Variants in TAFA1 observed in about 807,000 individuals in gnomAD.
The protein encoded by TAFA1 is TAFA chemokine like family member 1, also known as chemokine-like protein TAFA-1.
TAFA1 carries 4 observed loss-of-function variants against 18.5 expected under a neutral mutation model. The observed-to-expected ratio is 0.22, with a 90% CI of 0.11 to 0.49. TAFA1 has a LOEUF of 0.49. Among genes scored for constraint, TAFA1 ranks in the 20% least tolerant of loss-of-function variants. The pLI, the probability that TAFA1 is intolerant of heterozygous loss-of-function variation, is 0.98. For synonymous variants in TAFA1, 56 were observed against 55.2 expected (o/e 1.01, Z -0.06); for missense variants, 147 against 169.0 (o/e 0.87, Z 0.72).
chr3:68,465,328 A>G (rs2071867158), intron 3 of TAFA1, among the ~76,000 whole-genome samples: 1 of 152,194 alleles, frequency 6.6e-6, no homozygotes, highest in Admixed American at 6.6e-5. Context: ...GAAAGACAGG[A>G]AGAATCTGAG....
Position 68,085,435 on chromosome 3 carries a change from A to G in TAFA1, c.118+78691A>G, listed in dbSNP as rs538212964. Among the ~76,000 whole-genome samples the G allele has an allele frequency of 7.9e-5, 12 of 152,346 alleles. No homozygotes were observed. In the East Asian group the frequency reaches 2.1e-3, roughly 27 times the overall value. ...GCAGGGTTAGTGCACAAAGGAGCACATTTTGAGCATGCCAAGGTGAATAAT... is the reference window on the plus strand; with the variant it reads ...GCAGGGTTAGTGCACAAAGGAGCACGTTTTGAGCATGCCAAGGTGAATAAT... On this transcript the variant is annotated intron_variant, in intron 2 of 4. Transcript: ENST00000478136.
chr3:68,216,767 A>G (rs1270893174), intron 2 of TAFA1, among the ~76,000 whole-genome samples: 1 of 152,128 alleles, frequency 6.6e-6, no homozygotes, highest in Non-Finnish European at 1.5e-5. Context: ...ACATCACTCC[A>G]TAATCGCAGA....
chr3:68,054,916 C>T (rs2064514794), intron 2 of TAFA1, among the ~76,000 whole-genome samples: 1 of 152,254 alleles, frequency 6.6e-6, no homozygotes, highest in East Asian at 1.9e-4. Flanking sequence ...ATTTCTTAAT[C>T]TAGTACTACG....
chr3:68,077,654 T>C (rs2106764944), intron 2 of TAFA1, among the ~76,000 whole-genome samples: 1 of 152,214 alleles, frequency 6.6e-6, no homozygotes, highest in African/African-American at 2.4e-5. Flanking sequence ...CTCTGTTCTG[T>C]TCCATTGATC....
Position 68,544,655 on chromosome 3 carries a change from G to A in TAFA1, c.*152G>A, listed in dbSNP as rs1003800383. 1.8e-5 allele frequency: 13 copies of A among 736,254 alleles called. No individual in the cohort carries two copies. Among genetic ancestry groups the A allele is most frequent in the East Asian group, 5.6e-5 (2 of 35,776 alleles). The allele number at this position is 736,254 out of a possible 1,614,324, so 45.6% of individuals were successfully genotyped here. A position where few individuals can be genotyped will look rare whatever the true frequency, so the allele number is the denominator to read the frequency against. On this transcript the variant is annotated 3_prime_UTR_variant, in exon 5 of 5. Transcript: ENST00000478136. The stretch of plus-strand genomic sequence containing the variant: ...TCACAGTGCGTTTACTGTGTGTAAC[G>A]AAATATCCTACAGTGAGAAGACACA...
At chr3:68,089,150 T>C (rs924571660) in intron 2 of TAFA1, among the ~76,000 whole-genome samples, 2 of 152,128 alleles carry the variant, frequency 1.3e-5, no homozygotes, top group Non-Finnish European at 2.9e-5. Context: ...TGAAGCTGGA[T>C]ATGTGAGCCT....
intron 2 of TAFA1, among the ~76,000 whole-genome samples, chr3:68,197,558 A>G (rs901919594): frequency 2.0e-5 from 3 of 149,824 alleles, no homozygotes; most frequent in Non-Finnish European, 4.5e-5. Flanking sequence ...TTATAAAGAA[A>G]GAAATGTCAA....
intron 2 of TAFA1, among the ~76,000 whole-genome samples, chr3:68,371,658 G>A (rs1372160323): frequency 6.6e-6 from 1 of 152,150 alleles, no homozygotes; most frequent in African/African-American, 2.4e-5. Context: ...CCAAGACTTT[G>A]CTATTGTAAA....
At chr3:68,339,904 G>A (rs1422772237) in intron 2 of TAFA1, among the ~76,000 whole-genome samples, 1 of 151,976 alleles carries the variant, frequency 6.6e-6, no homozygotes, top group Non-Finnish European at 1.5e-5. Flanking sequence ...TTTGCCAATG[G>A]CTTAACAATC....
At chr3:68,312,992 A>G (rs2106683888) in intron 2 of TAFA1, among the ~76,000 whole-genome samples, 1 of 152,278 alleles carries the variant, frequency 6.6e-6, no homozygotes, top group East Asian at 1.9e-4. Flanking sequence ...GTGGCAGGCA[A>G]AAAAGAGAGC....
At chr3:68,107,925 A>T (rs2065221787) in intron 2 of TAFA1, among the ~76,000 whole-genome samples, 1 of 152,048 alleles carries the variant, frequency 6.6e-6, no homozygotes, top group African/African-American at 2.4e-5. Context: ...TTAGGGTACT[A>T]ATTCTGTTAA....
chr3:68,178,152 C>CAA (rs149156361), intron 2 of TAFA1, among the ~76,000 whole-genome samples: 29 of 149,724 alleles, frequency 1.9e-4, no homozygotes, highest in Non-Finnish European at 3.4e-4. Flanking sequence ...CCCCCCTCCC[C>CAA]AAAAAAAAAT....
At chr3:68,037,081 G>A (rs934818279) in intron 2 of TAFA1, among the ~76,000 whole-genome samples, 2 of 152,126 alleles carry the variant, frequency 1.3e-5, no homozygotes, top group African/African-American at 2.4e-5. Flanking sequence ...CATAGCTTGG[G>A]AGAGGTCAGG....
At chr3:68,104,969 G>T (rs1298304979) in intron 2 of TAFA1, among the ~76,000 whole-genome samples, 1 of 152,088 alleles carries the variant, frequency 6.6e-6, no homozygotes, top group Non-Finnish European at 1.5e-5. Context: ...CAGGAAGCAT[G>T]GTGCTGGCAT....
chr3:68,509,282 G>A (rs989162168), intron 3 of TAFA1, among the ~76,000 whole-genome samples: 4 of 152,050 alleles, frequency 2.6e-5, no homozygotes, highest in South Asian at 2.1e-4. Flanking sequence ...CAGCACATGT[G>A]GTCTCATTAG....
intron 3 of TAFA1, among the ~76,000 whole-genome samples, chr3:68,446,957 A>G (rs761196392): frequency 4.6e-5 from 7 of 152,216 alleles, no homozygotes; most frequent in Non-Finnish European, 7.3e-5. Context: ...CCTTAGGGGC[A>G]CTAATTATCC....
intron 3 of TAFA1, among the ~76,000 whole-genome samples, chr3:68,538,081 C>G (rs1303983825): frequency 7.2e-5 from 11 of 151,962 alleles, no homozygotes; most frequent in Admixed American, 7.2e-4. Flanking sequence ...GCTAAGTCAG[C>G]CTCCAGGTGG....
At chr3:68,418,767 G>A (rs930018072) in intron 3 of TAFA1, among the ~76,000 whole-genome samples, 4 of 152,176 alleles carry the variant, frequency 2.6e-5, no homozygotes, top group Non-Finnish European at 5.9e-5. Context: ...TGAGTCCTCA[G>A]TATGGATCAA....
intron 3 of TAFA1, among the ~76,000 whole-genome samples, chr3:68,523,735 T>A (rs1363510156): frequency 6.6e-6 from 1 of 152,182 alleles, no homozygotes; most frequent in Non-Finnish European, 1.5e-5. Context: ...TTGTTTTTAT[T>A]TTTCTTTTCA....
Sources: gnomAD v4.1 joint callset for allele counts (sites outside exome capture counted in the v4.1 genomes callset) on GRCh38, gnomAD v4.1.1 for gene constraint, MANE v1.5 for transcripts, NCBI Gene and HGNC (gene_info 2026-07-23, HGNC 2026-07-21) for gene names.